The following CHM variants were observed in gnomAD, a reference collection of about 807,000 sequenced individuals.
CHM encodes rab proteins geranylgeranyltransferase component A 1.
A neutral mutation model predicts 49.0 loss-of-function variants in CHM; 10 were observed. That is an observed-to-expected ratio of 0.20 (90% CI 0.13 to 0.35). The LOEUF is 0.35. Among genes scored for constraint, CHM ranks in the 10% least tolerant of loss-of-function variants. The pLI, the probability that CHM is intolerant of heterozygous loss-of-function variation, is 1.00. For missense variants in CHM, 455 were observed against 478.4 expected (o/e 0.95, Z 0.46); for synonymous variants, 184 against 167.5 (o/e 1.10, Z -0.76).
intron 2 of CHM, among the ~76,000 whole-genome samples, chrX:86,021,563 TA>T (rs898170374): frequency 2.7e-5 from 3 of 110,572 alleles, no homozygotes; most frequent in Non-Finnish European, 3.8e-5. Context: ...AGCCAAAGAA[TA>T]GGAAGTTGGT....
At chrX:86,006,923 T>G (rs1200082139) in intron 2 of CHM, among the ~76,000 whole-genome samples, 1 of 111,689 alleles carries the variant, frequency 9.0e-6, no homozygotes. Context: ...AAAGTTCATA[T>G]GGAACCAAAA....
At chrX:85,933,230 A>T (rs775455302) in intron 8 of CHM, among the ~76,000 whole-genome samples, 26 of 109,850 alleles carry the variant, frequency 2.4e-4, no homozygotes, top group African/African-American at 8.2e-4. Context: ...AAATAAAATA[A>T]AATAAATAAA....
intron 5 of CHM, among the ~76,000 whole-genome samples, chrX:85,960,794 T>C (rs1396116569): frequency 9.0e-6 from 1 of 111,308 alleles, no homozygotes; most frequent in Non-Finnish European, 1.9e-5. Flanking sequence ...CAGTGCAATT[T>C]GATTACAATA....
chrX:85,973,507 A>C (rs2147697075), intron 4 of CHM, among the ~76,000 whole-genome samples: 1 of 110,448 alleles, frequency 9.1e-6, no homozygotes, highest in Non-Finnish European at 1.9e-5. Context: ...TTAAAACAAT[A>C]TCCCACATAT....
chrX:85,945,041 A>G (rs1298265597), intron 8 of CHM, among the ~76,000 whole-genome samples: 1 of 111,397 alleles, frequency 9.0e-6, no homozygotes, highest in Non-Finnish European at 1.9e-5. Flanking sequence ...GAGAAAACCA[A>G]ATGCCACATG....
At chrX:85,870,146 C>T (rs1269209158) in intron 14 of CHM, among the ~76,000 whole-genome samples, 3 of 111,395 alleles carry the variant, frequency 2.7e-5, no homozygotes, top group Non-Finnish European at 3.8e-5. Flanking sequence ...CCCTTCAGGA[C>T]TTAGCTTCCT....
At chrX:86,047,160 G>T in intron 1 of CHM, 1 of 352,454 alleles carries the variant, frequency 2.8e-6, no homozygotes, top group Non-Finnish European at 5.1e-6. Context: ...AGTCGTCTCC[G>T]TTGATAAAAT....
At chrX:85,927,368 A>G (rs1928156841) in intron 8 of CHM, among the ~76,000 whole-genome samples, 1 of 111,939 alleles carries the variant, frequency 8.9e-6, no homozygotes, top group Non-Finnish European at 1.9e-5. Flanking sequence ...AAAAATACAA[A>G]ACTCAGCAGC....
At chrX:85,911,201 G>A (rs1239682574) in intron 9 of CHM, 60 bp downstream of exon 9, 2 of 91,537 alleles carry the variant, frequency 2.2e-5, no homozygotes, top group African/African-American at 1.0e-4. Context: ...ATATATATAT[G>A]AATATATATA....
At chrX:86,010,118 T>G (rs1197883621) in intron 2 of CHM, among the ~76,000 whole-genome samples, 2 of 98,489 alleles carry the variant, frequency 2.0e-5, no homozygotes, top group Non-Finnish European at 4.0e-5. Flanking sequence ...TTCTCACTCA[T>G]AAGTGGGAGT....
chrX:85,926,122 T>TA (rs564012881), intron 8 of CHM, among the ~76,000 whole-genome samples: 1,387 of 106,182 alleles, frequency 0.013, 20 homozygotes, highest in African/African-American at 0.035. Context: ...ATAAAAATGT[T>TA]AAAAAAAAAA....
intron 14 of CHM, among the ~76,000 whole-genome samples, chrX:85,867,779 A>G (rs1923792212): frequency 1.8e-5 from 2 of 112,248 alleles, no homozygotes; most frequent in South Asian, 7.3e-4. Flanking sequence ...ATTATTACTA[A>G]TAATAACATA....
chrX:86,040,273 T>C (rs764247571), intron 1 of CHM, among the ~76,000 whole-genome samples: 3 of 112,363 alleles, frequency 2.7e-5, no homozygotes, highest in Admixed American at 1.9e-4. Context: ...CTCCTGCCAG[T>C]GCCCAAAAGC....
chrX:85,988,062 A>C (rs1296479089), intron 2 of CHM, among the ~76,000 whole-genome samples: 1 of 111,764 alleles, frequency 8.9e-6, no homozygotes, highest in Non-Finnish European at 1.9e-5. Context: ...GAAAAAGAAA[A>C]CTTCGGGCCA....
chrX:86,038,264 C>A (rs2147806171), intron 1 of CHM, among the ~76,000 whole-genome samples: 1 of 111,789 alleles, frequency 8.9e-6, no homozygotes, highest in South Asian at 3.7e-4. Context: ...TTCCTCTGTT[C>A]CCATGAGACA....
At chrX:85,954,209 C>G (rs1929895668) in intron 8 of CHM, among the ~76,000 whole-genome samples, 1 of 111,933 alleles carries the variant, frequency 8.9e-6, no homozygotes, top group African/African-American at 3.2e-5. Flanking sequence ...AAATGCACAT[C>G]AAAATTACAA....
intron 9 of CHM, among the ~76,000 whole-genome samples, chrX:85,905,689 A>T (rs1289279697): frequency 9.0e-6 from 1 of 111,397 alleles, no homozygotes; most frequent in Admixed American, 9.6e-5. Context: ...TCTCAGGTAG[A>T]AGGGCAGAAT....
intron 2 of CHM, among the ~76,000 whole-genome samples, chrX:86,000,244 GC>G (rs892030253): frequency 6.4e-5 from 6 of 94,263 alleles, no homozygotes; most frequent in Non-Finnish European, 1.2e-4. Flanking sequence ...TATTCTACTA[GC>G]TACCTAACTA....
intron 4 of CHM, among the ~76,000 whole-genome samples, chrX:85,977,990 G>A (rs1276420092): frequency 9.0e-6 from 1 of 111,720 alleles, no homozygotes; most frequent in Non-Finnish European, 1.9e-5. Flanking sequence ...AAGAATCTCT[G>A]GTGTATTGAA....
Sources: gnomAD v4.1 joint callset for allele counts (sites outside exome capture counted in the v4.1 genomes callset) on GRCh38, gnomAD v4.1.1 for gene constraint, MANE v1.5 for transcripts, NCBI Gene and HGNC (gene_info 2026-07-23, HGNC 2026-07-21) for gene names.